The following PCDHGA7 variants were observed in gnomAD, a reference collection of about 807,000 sequenced individuals.
The protein encoded by PCDHGA7 is protocadherin gamma subfamily A, 7, also known as protocadherin gamma-A7.
In PCDHGA7, 44 loss-of-function variants were observed where a neutral mutation model predicts 58.3. That is an observed-to-expected ratio of 0.75 (90% confidence interval 0.59 to 0.97). PCDHGA7 has a LOEUF of 0.97. PCDHGA7 is among the 50% of genes least tolerant of loss of function. The pLI, the probability that PCDHGA7 is intolerant of heterozygous loss-of-function variation, is 0.00. For missense variants in PCDHGA7, 1,266 were observed against 1,188.7 expected (o/e 1.06, Z -0.96); for synonymous variants, 516 against 504.2 (o/e 1.02, Z -0.31).
rs1160304959 is a variant in PCDHGA7, at chr5:141,490,969, C to A, written c.2425-3838C>A. On this transcript the variant is annotated intron_variant, in intron 1 of 3. Coordinates refer to ENST00000518325, the MANE Select transcript of PCDHGA7 (RefSeq NM_018920.4). This position sits in a 1 kb window ranked among gnomAD's most constrained non-coding sequence, Gnocchi z 5.4. ...GCCAGACTGGGAACACTCAGCCCCC[C>A]AGCGTCTCCCTCGCTCTGCTCCTCC... The A allele has an allele frequency of 2.5e-6, 4 of 1,613,820 alleles. No individual in the cohort carries two copies. In the African/African-American group the frequency reaches 4.0e-5, roughly 16 times the overall value.
chr5:141,489,293 T>G lies in PCDHGA7; in HGVS notation c.2425-5514T>G. The G allele has an allele frequency of 6.3e-7, 1 of 1,579,940 alleles. No homozygotes were observed. Among genetic ancestry groups the G allele is most frequent in the Non-Finnish European group, 8.6e-7 (1 of 1,162,928 alleles). ...GCTGGGAAATGGCAAGTGCTGTGCA[T>G]GTTGTCCTTGTGCTGCTGGGGCTGG... On this transcript the variant is annotated intron_variant, in intron 1 of 3. Transcript: ENST00000518325. This position sits in a 1 kb window ranked among gnomAD's most constrained non-coding sequence, Gnocchi z 4.5.
chr5:141,403,853 A>G (rs765359583), intron 1 of PCDHGA7: 3 of 1,613,726 alleles, frequency 1.9e-6, no homozygotes, highest in Non-Finnish European at 2.5e-6. Context: ...TACTGGGGAA[A>G]TATCAACAGC....
chr5:141,469,802 C>T (rs2099211446), intron 1 of PCDHGA7, among the ~76,000 whole-genome samples: 1 of 152,022 alleles, frequency 6.6e-6, no homozygotes, highest in Admixed American at 6.6e-5. Flanking sequence ...ATTGCAAAAA[C>T]ATTGTAGATA....
intron 1 of PCDHGA7, among the ~76,000 whole-genome samples, chr5:141,492,409 C>T (rs1367119266): frequency 6.6e-6 from 1 of 152,230 alleles, no homozygotes. Context: ...TCCCCTCTGC[C>T]GCTCCCTCCG....
intron 2 of PCDHGA7, among the ~76,000 whole-genome samples, chr5:141,502,988 C>A (rs1285178746): frequency 6.7e-6 from 1 of 150,346 alleles, no homozygotes; most frequent in Non-Finnish European, 1.5e-5. Flanking sequence ...GGATTACAGG[C>A]GTGTGCCACC....
At chr5:141,427,773 C>T (rs1285483564) in intron 1 of PCDHGA7, 1 of 1,414,460 alleles carries the variant, frequency 7.1e-7, no homozygotes, top group Non-Finnish European at 9.9e-7. Flanking sequence ...CTTGGAGCTG[C>T]GGGCACTGTC....
chr5:141,481,880 C>CTCCA (rs1483509373), intron 1 of PCDHGA7, among the ~76,000 whole-genome samples: 1 of 145,300 alleles, frequency 6.9e-6, no homozygotes, highest in Non-Finnish European at 1.5e-5. Context: ...CGCCACTGCA[C>CTCCA]TCCAGCCTGG....
At chr5:141,467,018 CTTTGT>C (rs1209768587) in intron 1 of PCDHGA7, among the ~76,000 whole-genome samples, 4 of 149,992 alleles carry the variant, frequency 2.7e-5, no homozygotes, top group African/African-American at 7.3e-5. Context: ...ATTTTTTTCC[CTTTGT>C]TTTTGTTTTT....
At position 141,487,736 on chromosome 5, in the gene PCDHGA7, G is replaced by C; in HGVS notation, c.2425-7071G>C. On this transcript the variant is annotated intron_variant, in intron 1 of 3. Transcript: ENST00000518325. The surrounding 1 kb of genome is among the most constrained non-coding windows in gnomAD (Gnocchi z 5.0). Reference sequence around the variant, plus strand: ...TGCCCATAGTGATGTCACCATTTTTGTAAGAGGTAACTATGTGGTAGACGC... The same window carrying C: ...TGCCCATAGTGATGTCACCATTTTTCTAAGAGGTAACTATGTGGTAGACGC... 1 of 1,563,758 alleles carries C rather than the reference G, an allele frequency of 6.4e-7. No homozygotes were observed.
intron 1 of PCDHGA7, among the ~76,000 whole-genome samples, chr5:141,492,394 G>C (rs2099740158): frequency 6.6e-6 from 1 of 152,220 alleles, no homozygotes; most frequent in African/African-American, 2.4e-5. Context: ...CGGTCCACTC[G>C]CAGCTCCCCT....
At chr5:141,414,691 T>A (rs2095777481) in intron 1 of PCDHGA7, 1 of 1,613,848 alleles carries the variant, frequency 6.2e-7, no homozygotes, top group African/African-American at 1.3e-5. Context: ...GGTACCTCTG[T>A]CCTCATACAT....
At chr5:141,412,527 A>G (rs1017506409) in intron 1 of PCDHGA7, 3 of 152,186 alleles carry the variant, frequency 2.0e-5, no homozygotes, top group Admixed American at 1.3e-4. Context: ...AGTAGTTACA[A>G]TTATAAAGCT....
intron 1 of PCDHGA7, among the ~76,000 whole-genome samples, chr5:141,462,203 G>A (rs544238255): frequency 2.6e-5 from 4 of 152,036 alleles, no homozygotes; most frequent in East Asian, 1.9e-4. Flanking sequence ...CAGGTGATCC[G>A]CCTGCCTCGG....
intron 3 of PCDHGA7, chr5:141,508,084 T>A (rs1422530110): frequency 6.6e-6 from 1 of 152,432 alleles, no homozygotes; most frequent in East Asian, 1.9e-4. Flanking sequence ...CTGGAGTTGC[T>A]GCCTTGGCCC....
Position 141,490,157 on chromosome 5 carries a change from G to T in PCDHGA7, c.2425-4650G>T. 1 of 1,614,210 alleles carries T rather than the reference G, an allele frequency of 6.2e-7. No homozygotes were observed. The highest frequency in any genetic ancestry group is 8.5e-7 in the Non-Finnish European group (1 of 1,180,038). On this transcript the variant is annotated intron_variant, in intron 1 of 3. Transcript: ENST00000518325. This position sits in a 1 kb window ranked among gnomAD's most constrained non-coding sequence, Gnocchi z 5.4. ...AGCAGTGGGGCAATCCATGTGTTGGGTCCCATAGACTTTGAGGAGTCACGT... is the reference window on the plus strand; with the variant it reads ...AGCAGTGGGGCAATCCATGTGTTGGTTCCCATAGACTTTGAGGAGTCACGT...
chr5:141,421,239 G>T (rs773410079), intron 1 of PCDHGA7: 5 of 1,599,000 alleles, frequency 3.1e-6, no homozygotes, highest in Middle Eastern at 3.3e-4. Flanking sequence ...TGGCGAATCG[G>T]CTACAGCGCG....
chr5:141,416,728 T>C (rs2096057160), intron 1 of PCDHGA7: 1 of 152,232 alleles, frequency 6.6e-6, no homozygotes, highest in Non-Finnish European at 1.5e-5. Context: ...GTTCATTTAG[T>C]TCAATGAAAA....
chr5:141,491,034 T>A lies in PCDHGA7; in HGVS notation c.2425-3773T>A. On this transcript the variant is annotated intron_variant, in intron 1 of 3. Coordinates refer to ENST00000518325, the MANE Select transcript of PCDHGA7 (RefSeq NM_018920.4). This position sits in a 1 kb window ranked among gnomAD's most constrained non-coding sequence, Gnocchi z 6.9. ...CCAAGGTGACAGCCGTGGATGCTGA[T>A]GCAGGCCACAATGCGTGGCTCTCCT... 1 of 1,614,170 alleles carries A rather than the reference T, an allele frequency of 6.2e-7. No individual in the cohort carries two copies. Among genetic ancestry groups the A allele is most frequent in the African/African-American group, 1.3e-5 (1 of 75,074 alleles).
chr5:141,403,367 G>A (rs753470303), intron 1 of PCDHGA7: 1 of 1,614,038 alleles, frequency 6.2e-7, no homozygotes, highest in South Asian at 1.1e-5. Context: ...CGAAAGTCTG[G>A]AAGTAAAAAT....
Sources: gnomAD v4.1 joint callset for allele counts (sites outside exome capture counted in the v4.1 genomes callset) on GRCh38, gnomAD v4.1.1 for gene constraint, Gnocchi (gnomAD v3.1) non-coding constraint, MANE v1.5 for transcripts, NCBI Gene and HGNC (gene_info 2026-07-23, HGNC 2026-07-21) for gene names.